The following SLC30A7 variants were observed in gnomAD, a reference collection of about 807,000 sequenced individuals.
SLC30A7 encodes the protein solute carrier family 30 member 7.
A neutral mutation model predicts 46.0 loss-of-function variants in SLC30A7; 35 were observed. The ratio of observed to expected loss-of-function variants is 0.76; its 90% CI spans 0.58 to 1.01. The LOEUF (loss-of-function observed/expected upper bound fraction) is 1.01. Ranked by LOEUF, SLC30A7 falls within the 50% of genes least tolerant of loss-of-function variation. The pLI, the probability that SLC30A7 is intolerant of heterozygous loss-of-function variation, is 0.00. For synonymous variants in SLC30A7, 147 were observed against 157.8 expected (o/e 0.93, Z 0.51); for missense variants, 464 against 451.1 (o/e 1.03, Z -0.26).
At chr1:100,992,504 A>G in the SLC30A7 span, 3 of 592,258 alleles carry the variant, frequency 5.1e-6, no homozygotes, top group Admixed American at 1.1e-4. Context: ...AAGTTGGACA[A>G]AAATGACAAG....
At chr1:100,962,483 A>G (rs1279378638) in intron 9 of SLC30A7, among the ~76,000 whole-genome samples, 1 of 152,234 alleles carries the variant, frequency 6.6e-6, no homozygotes, top group East Asian at 1.9e-4. Context: ...CTGGAGAAGA[A>G]TGTTCCAGGC....
At chr1:100,974,039 C>T (rs145953945) in intron 10 of SLC30A7, among the ~76,000 whole-genome samples, 289 of 152,126 alleles carry the variant, frequency 1.9e-3, no homozygotes, top group Middle Eastern at 3.4e-3. Flanking sequence ...TAAAGAAGAG[C>T]GGAGATGGGG....
the SLC30A7 span, chr1:100,990,377 A>G: frequency 6.2e-7 from 1 of 1,604,694 alleles, no homozygotes; most frequent in South Asian, 1.1e-5. Context: ...TATGGCTGAA[A>G]TTTACATCAG....
chr1:100,914,902 A>T (rs1309038143), intron 6 of SLC30A7, among the ~76,000 whole-genome samples: 2 of 152,120 alleles, frequency 1.3e-5, no homozygotes, highest in Non-Finnish European at 2.9e-5. Flanking sequence ...ACTGCACTCC[A>T]GCCTGGACAA....
At chr1:100,920,691 T>G (rs1438691832) in intron 7 of SLC30A7, among the ~76,000 whole-genome samples, 6 of 151,974 alleles carry the variant, frequency 3.9e-5, no homozygotes, top group African/African-American at 1.4e-4. Flanking sequence ...TTTCTTGAGT[T>G]TGTTTGTATT....
intron 8 of SLC30A7, among the ~76,000 whole-genome samples, chr1:100,958,169 C>T (rs1392355951): frequency 6.6e-6 from 1 of 151,724 alleles, no homozygotes; most frequent in Non-Finnish European, 1.5e-5. Flanking sequence ...ACAATATTTG[C>T]GTTGTTGTTG....
At chr1:100,954,795 GAATT>G (rs1334743352) in intron 8 of SLC30A7, among the ~76,000 whole-genome samples, 1 of 151,928 alleles carries the variant, frequency 6.6e-6, no homozygotes, top group East Asian at 1.9e-4. Flanking sequence ...CCATCACTAT[GAATT>G]AATTATATTT....
At chr1:100,947,755 G>T (rs1654725846) in intron 8 of SLC30A7, among the ~76,000 whole-genome samples, 1 of 152,182 alleles carries the variant, frequency 6.6e-6, no homozygotes, top group Admixed American at 6.5e-5. Flanking sequence ...ATATATTTAG[G>T]ATAGTTAGCT....
downstream of SLC30A7, among the ~76,000 whole-genome samples, chr1:100,984,641 T>C (rs1273952199): frequency 6.6e-6 from 1 of 152,220 alleles, no homozygotes; most frequent in Non-Finnish European, 1.5e-5. Context: ...AATTGCATCC[T>C]GAAGCTAACA....
intron 2 of SLC30A7, among the ~76,000 whole-genome samples, chr1:100,906,577 C>T (rs1651684427): frequency 2.6e-5 from 4 of 152,060 alleles, no homozygotes; most frequent in Admixed American, 1.3e-4. Flanking sequence ...TGCAAGTGAC[C>T]AAGGAGTGGT....
At chr1:100,910,919 A>C in intron 3 of SLC30A7, 144 bp from the exon 4 acceptor site, 2 of 523,656 alleles carry the variant, frequency 3.8e-6, no homozygotes, top group Non-Finnish European at 6.6e-6. Context: ...ATAAAATAAA[A>C]TGCACTGTAC....
chr1:100,900,116 A>G (rs1009194818), intron 2 of SLC30A7, among the ~76,000 whole-genome samples: 3 of 152,154 alleles, frequency 2.0e-5, no homozygotes, highest in African/African-American at 4.8e-5. Flanking sequence ...TACAGCACCT[A>G]TTGTCCAAGT....
chr1:100,902,546 T>G (rs1651373245), intron 2 of SLC30A7, among the ~76,000 whole-genome samples: 1 of 152,204 alleles, frequency 6.6e-6, no homozygotes, highest in South Asian at 2.1e-4. Flanking sequence ...CACAGAAATT[T>G]ATTGTCTCAC....
At chr1:100,949,041 G>T (rs544408299) in intron 8 of SLC30A7, among the ~76,000 whole-genome samples, 1 of 152,010 alleles carries the variant, frequency 6.6e-6, no homozygotes, top group Non-Finnish European at 1.5e-5. Context: ...CTGTCAACTC[G>T]TCTAAGTCCA....
chr1:100,921,906 A>ATTTGTATTT, intron 8 of SLC30A7, 65 bp downstream of exon 8: 1 of 1,202,164 alleles, frequency 8.3e-7, no homozygotes, highest in Non-Finnish European at 1.2e-6. Flanking sequence ...TACTTAAATT[A>ATTTGTATTT]TAGGTCTAAA....
rs1200922110 is a variant in SLC30A7, at chr1:100,921,752, A to G, written c.753A>G (p.Val251=). The change falls in exon 8 of 11, where the codon GTA becomes GTG. Residue 251 remains valine (V), a synonymous_variant. Transcript: ENST00000357650. The part of the protein sequence containing the change: ...ILADTLGSIG[V]IASAIMMQNF... The stretch of plus-strand genomic sequence containing the variant: ...CAGATACACTTGGAAGTATTGGTGT[A>G]ATTGCTTCTGCCATCATGATGCAAA... 3.1e-6 allele frequency: 5 copies of G among 1,612,568 alleles called. No homozygotes were observed. The Admixed American group carries it at 8.3e-5, about 27-fold the overall frequency.
At chr1:100,952,974 T>C (rs552582926) in intron 8 of SLC30A7, among the ~76,000 whole-genome samples, 1 of 152,334 alleles carries the variant, frequency 6.6e-6, no homozygotes, top group South Asian at 2.1e-4. Flanking sequence ...TCATGTAGCA[T>C]TGGAGGAAGG....
chr1:100,979,215 G>A lies in SLC30A7; in HGVS notation c.*4358G>A, dbSNP rs1310044720. The A allele has an allele frequency of 1.3e-5, 2 of 151,704 alleles. No homozygotes were observed. Among genetic ancestry groups the A allele is most frequent in the South Asian group, 2.1e-4 (1 of 4,824 alleles). The allele number at this position is 151,704 out of a possible 1,614,324, so 9.4% of individuals were successfully genotyped here. On this transcript the variant is annotated 3_prime_UTR_variant, in exon 11 of 11. Transcript: ENST00000357650. ...ACTCTTCATGAAAGCATTACCTTTG[G>A]AAAGTTAAACTTTTTTTTTCCTTTC...
the SLC30A7 span, among the ~76,000 whole-genome samples, chr1:100,989,347 C>T: frequency 2.0e-5 from 3 of 152,184 alleles, no homozygotes; most frequent in African/African-American, 7.2e-5. Flanking sequence ...AGCAACTGTA[C>T]AAGGCTGGCT....
Sources: allele counts gnomAD v4.1 joint callset (sites outside exome capture counted in the v4.1 genomes callset), GRCh38; gene constraint gnomAD v4.1.1; transcripts MANE v1.5; gene names NCBI Gene and HGNC (gene_info 2026-07-23, HGNC 2026-07-21).